Variants in SETBP1 observed in about 807,000 individuals in gnomAD.
The protein encoded by SETBP1 is SET binding protein 1.
SETBP1 carries 9 observed loss-of-function variants against 101.0 expected under a neutral mutation model. The ratio of observed to expected loss-of-function variants is 0.09; its 90% CI spans 0.05 to 0.16. SETBP1 has a LOEUF of 0.16. Ranked by LOEUF, SETBP1 falls within the 10% of genes least tolerant of loss-of-function variation. The pLI is 1.00. For missense variants in SETBP1, 1,858 were observed against 2,033.8 expected, an observed-to-expected ratio of 0.91 and a Z score of 1.66; for synonymous variants, 818 against 788.5, an observed-to-expected ratio of 1.04 and a Z score of -0.63.
intron 2 of SETBP1, among the ~76,000 whole-genome samples, chr18:44,755,467 C>T (rs1209012216): frequency 1.3e-5 from 2 of 151,630 alleles, no homozygotes; most frequent in Non-Finnish European, 2.9e-5. Flanking sequence ...TTTCTCTCTT[C>T]GCAGTGGGAC....
At chr18:44,695,032 A>T (rs889912405) in intron 1 of SETBP1, among the ~76,000 whole-genome samples, 16 of 151,778 alleles carry the variant, frequency 1.1e-4, no homozygotes, top group African/African-American at 3.6e-4. Context: ...TTGCAGAATT[A>T]AAAAAAAATC....
intron 5 of SETBP1, 52 bp from the exon 6 acceptor site, chr18:45,063,027 T>C: frequency 1.2e-6 from 2 of 1,610,920 alleles, no homozygotes; most frequent in Non-Finnish European, 1.7e-6. Context: ...GAGGCTGAGT[T>C]GAAGGCACCT....
In SETBP1 at chr18:44,743,591, G is replaced by A. The variant is rs533266150; in HGVS notation, c.486+41759G>A. ...GCATGGGCAGAGTTTCTTATACAAC[G>A]TGGGATATGGCTGTGTGTTGGTGGA... On this transcript the variant is annotated intron_variant, in intron 2 of 5. Coordinates refer to ENST00000649279, the MANE Select transcript of SETBP1 (RefSeq NM_015559.3). Among the ~76,000 whole-genome samples, 6 of 152,312 alleles carry A rather than the reference G, an allele frequency of 3.9e-5. No homozygotes were observed. The South Asian group carries it at 8.3e-4, about 21-fold the overall frequency.
At chr18:44,981,845 C>A (rs951262798) in intron 4 of SETBP1, among the ~76,000 whole-genome samples, 6 of 152,094 alleles carry the variant, frequency 3.9e-5, no homozygotes, top group African/African-American at 1.4e-4. Context: ...GCTGATTAGC[C>A]TACAATAAGG....
chr18:45,062,968 T>C (rs531907476), intron 5 of SETBP1, 111 bp from the exon 6 acceptor site: 2 of 1,427,640 alleles, frequency 1.4e-6, no homozygotes, highest in Non-Finnish European at 1.9e-6. Flanking sequence ...CCCATAGCAT[T>C]AATTCTCTAT....
chr18:44,925,103 A>AT (rs759704941), intron 3 of SETBP1, among the ~76,000 whole-genome samples: 187 of 86,200 alleles, frequency 2.2e-3, no homozygotes, highest in African/African-American at 3.4e-3. Flanking sequence ...TTCTGCCTGG[A>AT]TTTTTTTTTT....
intron 2 of SETBP1, among the ~76,000 whole-genome samples, chr18:44,790,886 G>A (rs2071357315): frequency 6.6e-6 from 1 of 152,158 alleles, no homozygotes; most frequent in Non-Finnish European, 1.5e-5. Context: ...AGTCCACCCT[G>A]AACGAACACA....
At chr18:44,959,771 C>A (rs1428850581) in intron 4 of SETBP1, among the ~76,000 whole-genome samples, 2 of 152,042 alleles carry the variant, frequency 1.3e-5, no homozygotes, top group Non-Finnish European at 2.9e-5. Context: ...TTGAATGATA[C>A]AAGACACTTT....
intron 2 of SETBP1, among the ~76,000 whole-genome samples, chr18:44,864,805 C>T (rs867241156): frequency 3.9e-5 from 6 of 152,146 alleles, no homozygotes; most frequent in South Asian, 2.1e-4. Flanking sequence ...AGGGCCATGG[C>T]GAATTTCATT....
chr18:44,945,123 A>G (rs897379327), intron 3 of SETBP1, among the ~76,000 whole-genome samples: 4 of 152,176 alleles, frequency 2.6e-5, no homozygotes, highest in Non-Finnish European at 4.4e-5. Context: ...TACATTAGGT[A>G]TATCTCCTAA....
At chr18:44,787,111 A>C (rs2144708615) in intron 2 of SETBP1, among the ~76,000 whole-genome samples, 1 of 152,328 alleles carries the variant, frequency 6.6e-6, no homozygotes, top group East Asian at 1.9e-4. Context: ...AGTGCTTTCA[A>C]AGGTAATTTA....
intron 2 of SETBP1, among the ~76,000 whole-genome samples, chr18:44,794,936 A>G (rs1255355033): frequency 6.6e-6 from 1 of 152,216 alleles, no homozygotes; most frequent in Admixed American, 6.5e-5. Context: ...CTAATATTAT[A>G]GACGAGGCTC....
chr18:45,063,410 C>A lies in SETBP1; in HGVS notation c.4503C>A (p.Ser1501Arg). Residue 1501 changes from serine (S) to arginine (R), a missense_variant, in exon 6 of 6, where the codon AGC (serine) becomes AGA (arginine). Transcript: ENST00000649279. ...LSPLVLEPAA[S>R]QDTIMATIEA... ...CGCTGGTGCTGGAGCCCGCCGCCAG[C>A]CAAGACACCATCATGGCCACCATCG... 6.5e-7 allele frequency: 1 copy of A among 1,531,956 alleles called. No homozygotes were observed. The highest frequency in any genetic ancestry group is 2.4e-5 in the East Asian group (1 of 40,914). 94.9% of individuals were successfully genotyped at this position (1,531,956 alleles called of 1,614,324 possible).
chr18:44,783,317 A>G (rs2071173011), intron 2 of SETBP1, among the ~76,000 whole-genome samples: 1 of 152,206 alleles, frequency 6.6e-6, no homozygotes, highest in Non-Finnish European at 1.5e-5. Context: ...TGTTTTTAGC[A>G]GAATCTTTCT....
At chr18:44,982,267 G>A (rs747385247) in intron 4 of SETBP1, among the ~76,000 whole-genome samples, 5 of 152,360 alleles carry the variant, frequency 3.3e-5, no homozygotes, top group Non-Finnish European at 5.9e-5. Flanking sequence ...AGCCTGGGAA[G>A]CAAGCATATG....
intron 2 of SETBP1, among the ~76,000 whole-genome samples, chr18:44,772,361 G>A (rs1457489774): frequency 6.6e-6 from 1 of 152,150 alleles, no homozygotes; most frequent in Non-Finnish European, 1.5e-5. Context: ...ACACCTCGAG[G>A]ACCCACATCT....
intron 3 of SETBP1, among the ~76,000 whole-genome samples, chr18:44,899,034 C>T (rs1024664889): frequency 6.6e-6 from 1 of 152,132 alleles, no homozygotes; most frequent in African/African-American, 2.4e-5. Flanking sequence ...TCGGGAGATA[C>T]TGGGTTCTAG....
intron 2 of SETBP1, among the ~76,000 whole-genome samples, chr18:44,776,968 G>A (rs566439055): frequency 1.3e-5 from 2 of 152,316 alleles, no homozygotes; most frequent in South Asian, 2.1e-4. Flanking sequence ...GAGGTGGAGA[G>A]GATTAACTCA....
intron 3 of SETBP1, among the ~76,000 whole-genome samples, chr18:44,889,896 T>C (rs1329012478): frequency 2.6e-5 from 4 of 152,180 alleles, no homozygotes; most frequent in Non-Finnish European, 4.4e-5. Flanking sequence ...TAGTATATTT[T>C]CCCAACATTT....
Sources: gnomAD v4.1 joint callset for allele counts (sites outside exome capture counted in the v4.1 genomes callset) on GRCh38, gnomAD v4.1.1 for gene constraint, MANE v1.5 for transcripts, NCBI Gene and HGNC (gene_info 2026-07-23, HGNC 2026-07-21) for gene names.